Variants in FAT4 observed in about 807,000 individuals in gnomAD.
FAT4 encodes the protein FAT atypical cadherin 4, also known as protocadherin Fat 4.
Under a neutral mutation model 303.9 loss-of-function variants are expected in FAT4, and 84 were observed. The observed-to-expected ratio is 0.28, with a 90% CI of 0.23 to 0.33. The LOEUF (loss-of-function observed/expected upper bound fraction) is 0.33. FAT4 is among the 10% of genes least tolerant of loss of function. The probability of loss-of-function intolerance (pLI) is 1.00; values close to 1 mark genes in which losing one functional copy is unlikely to be tolerated. For synonymous variants in FAT4, 2,307 were observed against 2,298.8 expected (o/e 1.00, Z -0.10); for missense variants, 6,005 against 6,146.8 (o/e 0.98, Z 0.77).
At chr4:125,360,175 T>C (rs1732598935) in intron 2 of FAT4, among the ~76,000 whole-genome samples, 1 of 152,138 alleles carries the variant, frequency 6.6e-6, no homozygotes, top group South Asian at 2.1e-4. Flanking sequence ...CAATATTTCC[T>C]CCTTTACGCA....
chr4:125,393,852 A>G (rs1734065570), intron 2 of FAT4: 2 of 696,814 alleles, frequency 2.9e-6, no homozygotes, highest in East Asian at 5.2e-5. Context: ...TTGTCTCTAA[A>G]TAAAATTATT....
chr4:125,392,955 T>C (rs1353035533), intron 2 of FAT4, among the ~76,000 whole-genome samples: 1 of 152,112 alleles, frequency 6.6e-6, no homozygotes, highest in East Asian at 1.9e-4. Context: ...GATAAATCAC[T>C]TGACATTTCA....
intron 7 of FAT4, among the ~76,000 whole-genome samples, chr4:125,419,936 A>G (rs922951289): frequency 5.9e-5 from 9 of 152,252 alleles, no homozygotes; most frequent in African/African-American, 2.2e-4. Flanking sequence ...TTCCTTAAAA[A>G]TGCCAACCTT....
chr4:125,378,516 T>C (rs1461170027), intron 2 of FAT4, among the ~76,000 whole-genome samples: 5 of 152,112 alleles, frequency 3.3e-5, no homozygotes, highest in Admixed American at 3.3e-4. Context: ...GCATGTGTTC[T>C]TATCACAGAT....
intron 8 of FAT4, among the ~76,000 whole-genome samples, chr4:125,436,293 T>C (rs1725450277): frequency 6.6e-6 from 1 of 152,136 alleles, no homozygotes; most frequent in Admixed American, 6.5e-5. Context: ...CATGATATGA[T>C]ATCATTTACT....
chr4:125,407,199 A>G, intron 4 of FAT4, 58 bp downstream of exon 4: 2 of 1,489,784 alleles, frequency 1.3e-6, no homozygotes, highest in Admixed American at 3.8e-5. Context: ...CCAAAATTAC[A>G]TACTATGTTT....
chr4:125,325,226 G>T, intron 2 of FAT4, among the ~76,000 whole-genome samples: 1 of 152,028 alleles, frequency 6.6e-6, no homozygotes, highest in East Asian at 1.9e-4. Context: ...CATTTATCTC[G>T]CATTCGTAAT....
At chr4:125,489,870 T>TTTTTTTG in intron 17 of FAT4, 31 bp from the exon 18 acceptor site, 1 of 1,185,628 alleles carries the variant, frequency 8.4e-7, no homozygotes, top group Non-Finnish European at 1.1e-6. Context: ...TTTTTTTTTG[T>TTTTTTTG]AAAAAGCCTT....
At chr4:125,473,247 C>G (rs932200626) in intron 12 of FAT4, among the ~76,000 whole-genome samples, 1 of 151,896 alleles carries the variant, frequency 6.6e-6, no homozygotes, top group Non-Finnish European at 1.5e-5. Context: ...CACATATAAC[C>G]TTTTGAAGTA....
Position 125,484,467 on chromosome 4 carries a change from GT to G in FAT4, c.12822+2736del, listed in dbSNP as rs1035486933. Among the ~76,000 whole-genome samples, 41 of 152,060 alleles carry G rather than the reference GT, an allele frequency of 2.7e-4. No individual in the cohort carries two copies. In the Middle Eastern group the frequency reaches 0.02, roughly 76 times the overall value. The stretch of plus-strand genomic sequence containing the variant: ...AAATCAGTTCTTTTGTGTTTGTCTG[GT>G]TTTTTTAAGTGGGCAACATAGGTGA... On this transcript the variant is annotated intron_variant, in intron 16 of 17. Transcript: ENST00000394329.
chr4:125,472,206 T>C (rs955901945), intron 12 of FAT4, among the ~76,000 whole-genome samples: 12 of 152,022 alleles, frequency 7.9e-5, no homozygotes, highest in Non-Finnish European at 1.8e-4. Context: ...CCTTAAATCA[T>C]TTTAAATGAA....
chr4:125,329,965 A>G (rs1731313551), intron 2 of FAT4, among the ~76,000 whole-genome samples: 1 of 152,130 alleles, frequency 6.6e-6, no homozygotes, highest in Non-Finnish European at 1.5e-5. Context: ...ATTTCTCATC[A>G]TGCTCACTGT....
chr4:125,320,165 G>A lies in FAT4; in HGVS notation c.3754G>A (p.Gly1252Arg), dbSNP rs752837648. The A allele has an allele frequency of 5.0e-6, 8 of 1,613,808 alleles. No homozygotes were observed. The African/African-American group carries it at 1.1e-4, about 22-fold the overall frequency. Residue 1252 changes from glycine to arginine, a missense_variant, in exon 2 of 18, where the codon GGA becomes AGA. Coordinates refer to ENST00000394329, the MANE Select transcript of FAT4 (RefSeq NM_001291303.3). ...NGLIHYSIIK[G>R]NEERQFAIDS... is the part of the protein sequence containing the mutation. ...ACTTATTCACTATTCTATAATAAAA[G>A]GAAATGAAGAAAGACAGTTTGCTAT... is the stretch of plus-strand genomic sequence containing the variant.
chr4:125,401,786 G>A (rs1734399547), intron 3 of FAT4, among the ~76,000 whole-genome samples: 1 of 151,690 alleles, frequency 6.6e-6, no homozygotes, highest in South Asian at 2.1e-4. Flanking sequence ...ACTTTGCTTC[G>A]TGGTACCATA....
intron 7 of FAT4, among the ~76,000 whole-genome samples, chr4:125,422,251 A>G (rs1724929484): frequency 6.6e-6 from 1 of 152,196 alleles, no homozygotes; most frequent in African/African-American, 2.4e-5. Context: ...ATCACTGCCA[A>G]TTATCATTTT....
intron 12 of FAT4, among the ~76,000 whole-genome samples, chr4:125,471,391 T>A (rs965224525): frequency 6.6e-6 from 1 of 152,166 alleles, no homozygotes; most frequent in Admixed American, 6.5e-5. Context: ...AAATAAAATA[T>A]CTGCAAAGTG....
At chr4:125,393,986 T>C (rs1578592142) in intron 2 of FAT4, 1 of 780,256 alleles carries the variant, frequency 1.3e-6, no homozygotes. Flanking sequence ...AACCATTAGC[T>C]GCAGCTGAAG....
Position 125,452,276 on chromosome 4 carries a change from T to C in FAT4, c.11266T>C (p.Tyr3756His). ...LGTAVQLYSA[Y>H]EENNRTFLLA... is the part of the protein sequence containing the mutation. ...GACTGCTGTGCAACTGTACAGTGCA[T>C]ATGAAGAGAACAATAGAACGTTTCT... Residue 3756 changes from tyrosine (Y) to histidine (H), a missense_variant, in exon 10 of 18, where the codon TAT becomes CAT. Physicochemically the swap from Tyr to His is moderately conservative, Grantham distance 83. Coordinates refer to ENST00000394329, the MANE Select transcript of FAT4 (RefSeq NM_001291303.3). The C allele has an allele frequency of 6.2e-7, 1 of 1,614,234 alleles. No individual in the cohort carries two copies. The highest frequency in any genetic ancestry group is 8.5e-7 in the Non-Finnish European group (1 of 1,180,036).
At chr4:125,417,514 C>A (rs899117503) in intron 7 of FAT4, among the ~76,000 whole-genome samples, 1 of 152,042 alleles carries the variant, frequency 6.6e-6, no homozygotes, top group Non-Finnish European at 1.5e-5. Context: ...AGAAGTCTAA[C>A]CCTAATTTCT....
Sources: allele counts gnomAD v4.1 joint callset (sites outside exome capture counted in the v4.1 genomes callset), GRCh38; gene constraint gnomAD v4.1.1; transcripts MANE v1.5; gene names NCBI Gene and HGNC (gene_info 2026-07-23, HGNC 2026-07-21).